The following PKD1 variants were observed in gnomAD, a reference collection of about 807,000 sequenced individuals.
The protein encoded by PKD1 is polycystin 1, transient receptor potential channel interacting, also known as polycystin-1.
A neutral mutation model predicts 361.7 loss-of-function variants in PKD1; 81 were observed. The observed-to-expected ratio is 0.22, with a 90% CI of 0.19 to 0.27. The LOEUF (loss-of-function observed/expected upper bound fraction) is 0.27, where lower values mean the gene tolerates loss of function less well. PKD1 is among the 10% of genes least tolerant of loss of function. The probability of loss-of-function intolerance (pLI) is 1.00; values close to 1 mark genes in which losing one functional copy is unlikely to be tolerated. For synonymous variants in PKD1, 3,615 were observed against 2,818.3 expected (o/e 1.28, Z -8.95); for missense variants, 6,399 against 6,118.3 (o/e 1.05, Z -1.53).
Position 2,103,387 on chromosome 16 carries a change from G to C in PKD1, c.8670C>G (p.Ser2890=). Residue 2890 remains serine, a synonymous_variant, in exon 23 of 46, where the codon TCC becomes TCG. Coordinates refer to ENST00000262304, the MANE Select transcript of PKD1 (RefSeq NM_001009944.3). ...CCACAACGGAGTTGGCGGAGTTGGC[G>C]GAGCTGCGGTGGCCCCGGGCAGCCC... ...SDWAARGHRS[S]ANSANSVVVQ... The C allele has an allele frequency of 6.2e-7, 1 of 1,600,310 alleles. No individual in the cohort carries two copies.
chr16:2,109,765 G>A lies in PKD1; in HGVS notation c.5402C>T (p.Pro1801Leu), dbSNP rs1348666621. 1.9e-6 allele frequency: 3 copies of A among 1,609,842 alleles called. No individual in the cohort carries two copies. The highest frequency in any genetic ancestry group is 2.5e-6 in the Non-Finnish European group (3 of 1,179,484). Residue 1801 changes from proline to leucine, a missense_variant, in exon 15 of 46, where the codon CCT (proline) becomes CTT (leucine). Pro to Leu is a moderately conservative substitution (Grantham distance 98). Coordinates refer to ENST00000262304, the MANE Select transcript of PKD1 (RefSeq NM_001009944.3). ...GGCCCTGATGCTGAGGCCACTCACA[G>A]GCACCTGCACATCCACTTCCACGGT... ...NATVEVDVQVPVSGLSIRASE... is the reference protein window; with the variant it reads ...NATVEVDVQVLVSGLSIRASE...
chr16:2,111,488 C>T lies in PKD1; in HGVS notation c.3679G>A (p.Ala1227Thr), dbSNP rs150710956. Residue 1227 changes from alanine to threonine, a missense_variant, in exon 15 of 46, where the codon GCC becomes ACC. Physicochemically the swap from Ala to Thr is moderately conservative, Grantham distance 58. Transcript: ENST00000262304. ...VDMSLAVEQG[A>T]PVVVSAAVQT... ...ACCGCGGCGCTGACCACCACGGGGG[C>T]GCCCTGCTCCACGGCCAGGCTCATG... 20 of 1,611,096 alleles carry T rather than the reference C, an allele frequency of 1.2e-5. No individual in the cohort carries two copies. The highest frequency in any genetic ancestry group is 2.2e-5 in the East Asian group (1 of 44,854).
At position 2,135,461 on chromosome 16, in the gene PKD1, G is replaced by C. The variant is rs963693792; in HGVS notation, c.215+14C>G. 19 of 1,167,560 alleles carry C rather than the reference G, an allele frequency of 1.6e-5. No homozygotes were observed. Among genetic ancestry groups the C allele is most frequent in the Admixed American group, 4.6e-5 (1 of 21,726 alleles). 72.3% of individuals were successfully genotyped at this position (1,167,560 alleles called of 1,614,324 possible). On this transcript the variant is annotated intron_variant, in intron 1 of 45. Coordinates refer to ENST00000262304, the MANE Select transcript of PKD1 (RefSeq NM_001009944.3). Reference sequence around the variant, plus strand: ...CCGCGGCCTCTCCCGGGTGCCGCTGGGCCCGCTACTCACAGCGCTGTGGCG... The same window carrying C: ...CCGCGGCCTCTCCCGGGTGCCGCTGCGCCCGCTACTCACAGCGCTGTGGCG...
At chr16:2,101,937 C>T in intron 26 of PKD1, 124 bp downstream of exon 26, 2 of 694,396 alleles carry the variant, frequency 2.9e-6, no homozygotes, top group Admixed American at 2.0e-5. Context: ...ACACACGAGC[C>T]CTTCACACAG....
In PKD1 at chr16:2,088,809, G is replaced by A; in HGVS notation, c.*918C>T. On this transcript the variant is annotated 3_prime_UTR_variant, in exon 46 of 46. Coordinates refer to ENST00000262304, the MANE Select transcript of PKD1 (RefSeq NM_001009944.3). ...GCCATGCCCACAGAAGTGGTACACA[G>A]AAGCAGGCACAGCCAGCTCCGAGGG... is the stretch of plus-strand genomic sequence containing the variant. The A allele has an allele frequency of 1.4e-6, 1 of 728,014 alleles. No homozygotes were observed. Among genetic ancestry groups the A allele is most frequent in the South Asian group, 1.9e-5 (1 of 53,454 alleles). The allele number at this position is 728,014 out of a possible 1,614,324, so 45.1% of individuals were successfully genotyped here.
At chr16:2,096,649 G>A (rs971009337) in intron 34 of PKD1, among the ~76,000 whole-genome samples, 5 of 152,140 alleles carry the variant, frequency 3.3e-5, no homozygotes, top group Admixed American at 2.6e-4. Flanking sequence ...CCGAGTAACT[G>A]GGACTACAGG....
intron 1 of PKD1, chr16:2,119,816 G>A: frequency 1.4e-6 from 1 of 695,850 alleles, no homozygotes. Flanking sequence ...TCCCACTGTG[G>A]GACCACAACC....
chr16:2,117,346 G>A (rs574985602), intron 6 of PKD1, 143 bp downstream of exon 6: 45 of 637,406 alleles, frequency 7.1e-5, no homozygotes, highest in South Asian at 7.8e-5. Flanking sequence ...TGACAGGAAC[G>A]GCCCCACCGG....
chr16:2,109,481 T>C lies in PKD1; in HGVS notation c.5686A>G (p.Ser1896Gly). 6.2e-7 allele frequency: 1 copy of C among 1,609,408 alleles called. No homozygotes were observed. The highest frequency in any genetic ancestry group is 8.5e-7 in the Non-Finnish European group (1 of 1,179,374). The change falls in exon 15 of 46, where the codon AGC (serine) becomes GGC (glycine). Residue 1896 changes from serine (S) to glycine (G), a missense_variant. Physicochemically the swap from Ser to Gly is moderately conservative, Grantham distance 56. Coordinates refer to ENST00000262304, the MANE Select transcript of PKD1 (RefSeq NM_001009944.3). The stretch of plus-strand genomic sequence containing the variant: ...AGCTGCCCGGGCGCCACCACCTTGC[T>C]GCTGGCCCACAGCACCAGGCCCACG... The part of the protein sequence containing the change: ...PIVGLVLWAS[S>G]KVVAPGQLVH...
At chr16:2,123,642 G>A (rs2151836314) in intron 1 of PKD1, 1 of 420,552 alleles carries the variant, frequency 2.4e-6, no homozygotes. Flanking sequence ...CCCACGTTCT[G>A]GTTCCCTGCA....
chr16:2,112,407 C>A lies in PKD1; in HGVS notation c.3228G>T (p.Pro1076=). The change falls in exon 14 of 46, where the codon CCG becomes CCT. Residue 1076 remains proline (P), a synonymous_variant. Coordinates refer to ENST00000262304, the MANE Select transcript of PKD1 (RefSeq NM_001009944.3). ...QFQPPYNESF[P]VPDPSVAQVL... ...CCTGGGCCACCGAGGGGTCTGGAAC[C>A]GGGAAGGACTCGTTGTACGGAGGCT... 1.9e-6 allele frequency: 3 copies of A among 1,586,722 alleles called. No homozygotes were observed. The highest frequency in any genetic ancestry group is 2.6e-6 in the Non-Finnish European group (3 of 1,173,488).
intron 38 of PKD1, 95 bp from the exon 39 acceptor site, chr16:2,092,687 G>T: frequency 1.1e-6 from 1 of 936,716 alleles, no homozygotes; most frequent in Non-Finnish European, 1.7e-6. Flanking sequence ...GGCTCCCACT[G>T]CCCTGCTGGC....
At chr16:2,129,279 C>T (rs576068541) in intron 1 of PKD1, among the ~76,000 whole-genome samples, 3 of 151,346 alleles carry the variant, frequency 2.0e-5, no homozygotes, top group South Asian at 2.1e-4. Flanking sequence ...CCCCCCTCAG[C>T]CTCCCAACTA....
rs2092424159 is a variant in PKD1 at position 2,108,706 on chromosome 16, A to C, written c.6461T>G (p.Val2154Gly). The C allele has an allele frequency of 1.9e-6, 3 of 1,570,072 alleles. No homozygotes were observed. The highest frequency in any genetic ancestry group is 2.6e-6 in the Non-Finnish European group (3 of 1,158,484). ...CCGCATCAGCACCTGCAGGGGCAGG[A>C]CCACGTCCACCTCCGGCTCCCGGCA... is the stretch of plus-strand genomic sequence containing the variant. ...LACREPEVDVVLPLQVLMRRS... is the reference protein window; with the variant it reads ...LACREPEVDVGLPLQVLMRRS... Residue 2154 changes from valine to glycine, a missense_variant, in exon 15 of 46, where the codon GTC becomes GGC. Physicochemically the swap from Val to Gly is moderately radical, Grantham distance 109. Coordinates refer to ENST00000262304, the MANE Select transcript of PKD1 (RefSeq NM_001009944.3).
intron 37 of PKD1, 187 bp from the exon 38 acceptor site, chr16:2,093,280 G>T: frequency 1.4e-6 from 1 of 737,904 alleles, no homozygotes; most frequent in Non-Finnish European, 2.3e-6. Context: ...CCCACCTGGG[G>T]GCAGACACAC....
At chr16:2,099,324 A>T in intron 30 of PKD1, 1 of 393,780 alleles carries the variant, frequency 2.5e-6, no homozygotes, top group Non-Finnish European at 4.9e-6. Context: ...ATGTACTGAG[A>T]TTTTCTTCTG....
chr16:2,115,658 T>G, intron 9 of PKD1, 33 bp from the exon 10 acceptor site: 1 of 1,591,318 alleles, frequency 6.3e-7, no homozygotes, highest in Non-Finnish European at 8.5e-7. Context: ...GGGCCCTGAT[T>G]TGCCCACAGG....
Position 2,089,360 on chromosome 16 carries a change from G to T in PKD1, c.*367C>A. The T allele has an allele frequency of 2.8e-6, 1 of 361,146 alleles. No individual in the cohort carries two copies. The allele number at this position is 361,146 out of a possible 1,614,324, so 22.4% of individuals were successfully genotyped here. A position where few individuals can be genotyped will look rare whatever the true frequency, so the allele number is the denominator to read the frequency against. On this transcript the variant is annotated 3_prime_UTR_variant, in exon 46 of 46. Coordinates refer to ENST00000262304, the MANE Select transcript of PKD1 (RefSeq NM_001009944.3). Reference sequence around the variant, plus strand: ...GTAATAACTTAGGGGCAGGGTGGCGGCGGTGCAGGCTAACCCTCCCTGAAG... The same window carrying T: ...GTAATAACTTAGGGGCAGGGTGGCGTCGGTGCAGGCTAACCCTCCCTGAAG...
In PKD1 at chr16:2,110,255, C is replaced by A. The variant is rs1319103478; in HGVS notation, c.4912G>T (p.Val1638Leu). The A allele has an allele frequency of 6.2e-7, 1 of 1,612,456 alleles. No homozygotes were observed. Among genetic ancestry groups the A allele is most frequent in the Non-Finnish European group, 8.5e-7 (1 of 1,179,776 alleles). Residue 1638 changes from valine (V) to leucine (L), a missense_variant, in exon 15 of 46, where the codon GTG (valine) becomes TTG (leucine). Coordinates refer to ENST00000262304, the MANE Select transcript of PKD1 (RefSeq NM_001009944.3). ...VLQLIEGLQV[V>L]GGGRYFPTNH... ...GTGGGGAAGTAGCGGCCACCGCCCA[C>A]CACCTGCAGCCCCTCTATGAGCTGC... is the stretch of plus-strand genomic sequence containing the variant.
Sources: allele counts gnomAD v4.1 joint callset (sites outside exome capture counted in the v4.1 genomes callset), GRCh38; gene constraint gnomAD v4.1.1; transcripts MANE v1.5; gene names NCBI Gene and HGNC (gene_info 2026-07-23, HGNC 2026-07-21).